Variants in RERE observed in about 807,000 individuals in gnomAD.
RERE encodes arginine-glutamic acid dipeptide repeats, also known as arginine-glutamic acid dipeptide repeats protein.
RERE carries 40 observed loss-of-function variants against 146.1 expected under a neutral mutation model. That is an observed-to-expected ratio of 0.27 (90% CI 0.21 to 0.36). RERE has a LOEUF of 0.36. RERE is among the 10% of genes least tolerant of loss of function. RERE has a pLI of 1.00. For missense variants in RERE, 1,933 were observed against 2,138.7 expected, an observed-to-expected ratio of 0.90 and a Z score of 1.90; for synonymous variants, 1,003 against 866.0, an observed-to-expected ratio of 1.16 and a Z score of -2.78.
chr1:8,806,232 T>A (rs1641690228), intron 1 of RERE, among the ~76,000 whole-genome samples: 2 of 152,294 alleles, frequency 1.3e-5, no homozygotes, highest in East Asian at 3.9e-4. Flanking sequence ...AAAATTGTTA[T>A]TATCAATAAT....
At position 8,520,267 on chromosome 1, in the gene RERE, G is replaced by A. The variant is rs1489656647; in HGVS notation, c.831-11592C>T. Among the ~76,000 whole-genome samples the A allele has an allele frequency of 4.6e-5, 7 of 152,048 alleles. 1 individual carries two copies. Among genetic ancestry groups the A allele is most frequent in the Admixed American group, 4.6e-4 (7 of 15,272 alleles). On this transcript the variant is annotated intron_variant, in intron 7 of 22. Coordinates refer to ENST00000400908, the MANE Select transcript of RERE (RefSeq NM_001042681.2). ...TTCTAGCTTAATAGAAGAAATCAAG[G>A]CCTGAGGAAAGAAAAGTGCTCTTTT...
At chr1:8,397,099 A>T (rs1389284281) in intron 12 of RERE, among the ~76,000 whole-genome samples, 2 of 152,246 alleles carry the variant, frequency 1.3e-5, no homozygotes, top group African/African-American at 2.4e-5. Flanking sequence ...ATACTGAGTC[A>T]GAAACAGCAC....
chr1:8,487,960 G>A (rs1320348588), intron 10 of RERE, among the ~76,000 whole-genome samples: 2 of 151,974 alleles, frequency 1.3e-5, no homozygotes, highest in Non-Finnish European at 2.9e-5. Flanking sequence ...GTAAAAGAAA[G>A]CGGGGCATGG....
intron 12 of RERE, among the ~76,000 whole-genome samples, chr1:8,418,053 G>C (rs1345419733): frequency 6.6e-6 from 1 of 152,118 alleles, no homozygotes; most frequent in Non-Finnish European, 1.5e-5. Flanking sequence ...ACCCACCAGG[G>C]CCCTCAGCAC....
At chr1:8,572,002 A>T (rs1400995746) in intron 4 of RERE, among the ~76,000 whole-genome samples, 1 of 152,230 alleles carries the variant, frequency 6.6e-6, no homozygotes, top group Non-Finnish European at 1.5e-5. Context: ...CACCAACAAC[A>T]ACATACGGAA....
At chr1:8,654,640 G>GT (rs556447662) in intron 2 of RERE, among the ~76,000 whole-genome samples, 23,823 of 141,632 alleles carry the variant, frequency 0.17, 2,265 homozygotes, top group Middle Eastern at 0.27. Flanking sequence ...GTTTTTTTTT[G>GT]TTTTTTTTTT....
intron 12 of RERE, chr1:8,380,737 G>A (rs1642416175): frequency 2.4e-6 from 1 of 412,682 alleles, no homozygotes; most frequent in South Asian, 1.7e-5. Flanking sequence ...CAATGAAGGA[G>A]AACAGAAAGG....
intron 10 of RERE, among the ~76,000 whole-genome samples, chr1:8,480,132 T>G (rs1476226585): frequency 0.025 from 2,921 of 115,160 alleles, 114 homozygotes; most frequent in African/African-American, 0.11. Context: ...TTTTTTGTTT[T>G]TTTTTTTTTT....
intron 1 of RERE, chr1:8,750,453 A>C (rs887378246): frequency 1.1e-6 from 1 of 915,588 alleles, no homozygotes; most frequent in Admixed American, 1.7e-5. Flanking sequence ...GAAGAGAAGA[A>C]GGTGGTTCCT....
At chr1:8,396,710 C>A (rs1643068813) in intron 12 of RERE, among the ~76,000 whole-genome samples, 1 of 152,172 alleles carries the variant, frequency 6.6e-6, no homozygotes, top group Admixed American at 6.5e-5. Context: ...TTAAAGTTTA[C>A]AATTCAGAGG....
rs961802947 is a variant in RERE, at chr1:8,555,567, A to G, written c.725+908T>C. ...TCATTGTAGTTTTAAGATAAAAGCT[A>G]CCAAAATCCTAGTATTTTGTTAAAA... On this transcript the variant is annotated intron_variant, in intron 6 of 22. Transcript: ENST00000400908. Among the ~76,000 whole-genome samples the G allele has an allele frequency of 3.3e-4, 50 of 152,232 alleles. 1 individual carries two copies. Among genetic ancestry groups the G allele is most frequent in the Admixed American group, 1.3e-4 (2 of 15,280 alleles).
chr1:8,673,023 A>G (rs372536978), intron 1 of RERE, among the ~76,000 whole-genome samples: 2 of 152,288 alleles, frequency 1.3e-5, no homozygotes, highest in South Asian at 2.1e-4. Context: ...TTTCATTTCT[A>G]CCCTCCTGAT....
intron 1 of RERE, chr1:8,796,586 T>C (rs1366785831): frequency 1.3e-5 from 2 of 151,792 alleles, no homozygotes; most frequent in South Asian, 2.1e-4. Context: ...AATAGTCAAA[T>C]ACAGCAGTGA....
intron 2 of RERE, among the ~76,000 whole-genome samples, chr1:8,630,443 C>T (rs1333290910): frequency 6.6e-6 from 1 of 152,130 alleles, no homozygotes; most frequent in African/African-American, 2.4e-5. Flanking sequence ...AAGAAAGTTG[C>T]TACGCTCTAT....
At chr1:8,793,178 G>GAA (rs1641399869) in intron 1 of RERE, among the ~76,000 whole-genome samples, 1 of 136,630 alleles carries the variant, frequency 7.3e-6, no homozygotes, top group Admixed American at 7.3e-5. Flanking sequence ...AAAAAAAAAA[G>GAA]AAAGAAAGAA....
At chr1:8,537,661 T>C (rs1645744761) in intron 7 of RERE, among the ~76,000 whole-genome samples, 1 of 152,236 alleles carries the variant, frequency 6.6e-6, no homozygotes, top group Non-Finnish European at 1.5e-5. Context: ...TTATACCTAA[T>C]AATAACAAAG....
At chr1:8,531,255 C>T (rs1264605513) in intron 7 of RERE, among the ~76,000 whole-genome samples, 1 of 151,980 alleles carries the variant, frequency 6.6e-6, no homozygotes, top group Non-Finnish European at 1.5e-5. Context: ...CCAGCCTGGC[C>T]AATGGGGTGA....
chr1:8,654,457 A>C (rs1570569839), intron 2 of RERE, among the ~76,000 whole-genome samples: 2 of 152,222 alleles, frequency 1.3e-5, no homozygotes, highest in South Asian at 4.1e-4. Flanking sequence ...GATTATGGAC[A>C]TAACACAGTG....
intron 4 of RERE, among the ~76,000 whole-genome samples, chr1:8,592,418 A>C (rs1398205126): frequency 6.6e-6 from 1 of 152,056 alleles, no homozygotes; most frequent in Non-Finnish European, 1.5e-5. Flanking sequence ...CTACAGGTGC[A>C]TACCACCATG....
Sources: allele counts gnomAD v4.1 joint callset (sites outside exome capture counted in the v4.1 genomes callset), GRCh38; gene constraint gnomAD v4.1.1; transcripts MANE v1.5; gene names NCBI Gene and HGNC (gene_info 2026-07-23, HGNC 2026-07-21).